Variants in XRCC4 observed in about 807,000 individuals in gnomAD.
The protein encoded by XRCC4 is DNA repair protein XRCC4.
In XRCC4, 28 loss-of-function variants were observed where a neutral mutation model predicts 39.1. The ratio of observed to expected loss-of-function variants is 0.72; its 90% CI spans 0.53 to 0.98. The LOEUF (loss-of-function observed/expected upper bound fraction) is 0.98. Among genes scored for constraint, XRCC4 ranks in the 50% least tolerant of loss-of-function variants. The pLI, the probability that XRCC4 is intolerant of heterozygous loss-of-function variation, is 0.00. For synonymous variants in XRCC4, 123 were observed against 126.4 expected (o/e 0.97, Z 0.18); for missense variants, 350 against 376.4 (o/e 0.93, Z 0.58).
intron 1 of XRCC4, among the ~76,000 whole-genome samples, chr5:83,102,067 A>G (rs940454681): frequency 6.6e-6 from 1 of 151,522 alleles, no homozygotes; most frequent in Admixed American, 6.6e-5. Context: ...TCTCACTATC[A>G]CTAAAAACAA....
chr5:83,270,812 GTCTCACT>G (rs1754121225), intron 7 of XRCC4, among the ~76,000 whole-genome samples: 2 of 146,330 alleles, frequency 1.4e-5, no homozygotes, highest in African/African-American at 5.1e-5. Context: ...TTGAGACAGA[GTCTCACT>G]CTGTCACCCA....
chr5:83,300,663 G>A (rs1273771526), intron 7 of XRCC4, among the ~76,000 whole-genome samples: 2 of 148,722 alleles, frequency 1.3e-5, no homozygotes, highest in East Asian at 4.2e-4. Context: ...CATGTGCCAT[G>A]GTGGTTTGCT....
At chr5:83,174,459 T>G (rs550365759) in intron 3 of XRCC4, among the ~76,000 whole-genome samples, 2 of 152,208 alleles carry the variant, frequency 1.3e-5, no homozygotes, top group Non-Finnish European at 2.9e-5. Context: ...TTCCACTGCT[T>G]CTTTAGTTTT....
At chr5:83,225,019 T>G (rs191946900) in intron 6 of XRCC4, among the ~76,000 whole-genome samples, 58 of 152,304 alleles carry the variant, frequency 3.8e-4, no homozygotes, top group African/African-American at 1.3e-3. Flanking sequence ...TTCTTCATTC[T>G]CCTTGAATAT....
chr5:83,216,230 A>C (rs886087492), intron 6 of XRCC4, among the ~76,000 whole-genome samples: 1 of 152,200 alleles, frequency 6.6e-6, no homozygotes, highest in Non-Finnish European at 1.5e-5. Context: ...ACATCATTTA[A>C]TCATTAGATA....
downstream of XRCC4, among the ~76,000 whole-genome samples, chr5:83,354,591 AT>A (rs1478068627): frequency 4.6e-5 from 7 of 152,234 alleles, no homozygotes; most frequent in Non-Finnish European, 8.8e-5. Flanking sequence ...GGCATCTTTT[AT>A]AAAATACAGA....
chr5:83,121,393 A>C (rs188271119), intron 3 of XRCC4, among the ~76,000 whole-genome samples: 223 of 152,324 alleles, frequency 1.5e-3, no homozygotes, highest in Non-Finnish European at 2.8e-3. Flanking sequence ...TTACATTCCC[A>C]TCATCAGTAT....
intron 6 of XRCC4, among the ~76,000 whole-genome samples, chr5:83,206,202 A>G (rs1751415636): frequency 6.6e-6 from 1 of 152,156 alleles, no homozygotes; most frequent in South Asian, 2.1e-4. Context: ...TATTGTGTTA[A>G]GAATAGACTA....
At chr5:83,112,514 G>A (rs1746490400) in intron 3 of XRCC4, among the ~76,000 whole-genome samples, 2 of 152,166 alleles carry the variant, frequency 1.3e-5, no homozygotes, top group Non-Finnish European at 2.9e-5. Context: ...AGGCTGAAAG[G>A]CTTTTGAAAT....
chr5:83,267,030 GCTAA>G (rs1391863068), intron 7 of XRCC4, among the ~76,000 whole-genome samples: 1 of 152,072 alleles, frequency 6.6e-6, no homozygotes, highest in Non-Finnish European at 1.5e-5. Flanking sequence ...TATGTATATG[GCTAA>G]CTATAATATG....
intron 7 of XRCC4, among the ~76,000 whole-genome samples, chr5:83,313,058 C>G (rs970041375): frequency 1.4e-5 from 2 of 144,350 alleles, no homozygotes; most frequent in African/African-American, 5.1e-5. Context: ...CAAAAAATGT[C>G]TCTTTTTTCT....
At chr5:83,370,986 T>G in the XRCC4 span, among the ~76,000 whole-genome samples, 1 of 152,160 alleles carries the variant, frequency 6.6e-6, no homozygotes, top group Non-Finnish European at 1.5e-5. Flanking sequence ...CTTCATAAAT[T>G]ATCTTGCAAG....
chr5:83,175,250 T>C (rs1449190452), intron 3 of XRCC4, among the ~76,000 whole-genome samples: 2 of 152,160 alleles, frequency 1.3e-5, no homozygotes, highest in African/African-American at 4.8e-5. Context: ...TGTTACCTGG[T>C]GGTAGTGGTA....
Position 83,281,787 on chromosome 5 carries a change from T to C in XRCC4, c.893+23110T>C, listed in dbSNP as rs143699903. On this transcript the variant is annotated intron_variant, in intron 7 of 7. Transcript: ENST00000396027. ...TATGCCAAATTCCTCCAATGTTGTC[T>C]GACTACCTTTGCCTGGAATTCTCTC... is the stretch of plus-strand genomic sequence containing the variant. Among the ~76,000 whole-genome samples the C allele has an allele frequency of 2.1e-4, 32 of 152,350 alleles. No homozygotes were observed. The East Asian group carries it at 6.2e-3, about 29-fold the overall frequency.
chr5:83,231,820 CT>C (rs1232458083), intron 6 of XRCC4, among the ~76,000 whole-genome samples: 6 of 152,052 alleles, frequency 3.9e-5, no homozygotes, highest in Non-Finnish European at 8.8e-5. Context: ...ATTCACTGTT[CT>C]TTGGCTGGTG....
chr5:83,182,943 G>T (rs28360111), intron 3 of XRCC4, among the ~76,000 whole-genome samples: 2,682 of 152,138 alleles, frequency 0.018, 87 homozygotes, highest in African/African-American at 0.062. Flanking sequence ...CCCAGTCTAA[G>T]GTATTTGGTT....
At chr5:83,345,466 T>C (rs1309840821) in intron 7 of XRCC4, among the ~76,000 whole-genome samples, 1 of 152,186 alleles carries the variant, frequency 6.6e-6, no homozygotes, top group Admixed American at 6.5e-5. Context: ...AAATTAGTTA[T>C]TTAAAATAAC....
intron 7 of XRCC4, among the ~76,000 whole-genome samples, chr5:83,351,905 T>G (rs1238417481): frequency 6.6e-6 from 1 of 152,094 alleles, no homozygotes; most frequent in Non-Finnish European, 1.5e-5. Context: ...TATTTGGGGG[T>G]TTTCATTGGT....
At chr5:83,301,758 T>TA (rs1438167569) in intron 7 of XRCC4, among the ~76,000 whole-genome samples, 1 of 152,184 alleles carries the variant, frequency 6.6e-6, no homozygotes, top group Non-Finnish European at 1.5e-5. Context: ...TGTATAAAGA[T>TA]ATAAGGAAGG....
Sources: allele counts gnomAD v4.1 joint callset (sites outside exome capture counted in the v4.1 genomes callset), GRCh38; gene constraint gnomAD v4.1.1; transcripts MANE v1.5; gene names NCBI Gene and HGNC (gene_info 2026-07-23, HGNC 2026-07-21).